Variants in QKI observed in about 807,000 individuals in gnomAD.
QKI encodes the protein QKI, KH domain containing RNA binding, also known as KH domain-containing RNA-binding protein QKI.
QKI carries 10 observed loss-of-function variants against 39.0 expected under a neutral mutation model. The observed-to-expected ratio is 0.26, with a 90% CI of 0.16 to 0.43. The LOEUF (loss-of-function observed/expected upper bound fraction) is 0.43, where lower values mean the gene tolerates loss of function less well. Among genes scored for constraint, QKI ranks in the 20% least tolerant of loss-of-function variants. The pLI is 1.00. For missense variants in QKI, 218 were observed against 428.0 expected (o/e 0.51, Z 4.33); for synonymous variants, 204 against 155.4 (o/e 1.31, Z -2.33).
At chr6:163,464,607 A>G (rs1490888831) in intron 2 of QKI, among the ~76,000 whole-genome samples, 1 of 152,192 alleles carries the variant, frequency 6.6e-6, no homozygotes, top group Non-Finnish European at 1.5e-5. Flanking sequence ...ATAAATTCCT[A>G]AAACATACAA....
At chr6:163,477,062 C>G (rs1792667494) in intron 2 of QKI, among the ~76,000 whole-genome samples, 1 of 143,828 alleles carries the variant, frequency 7.0e-6, no homozygotes, top group Non-Finnish European at 1.5e-5. Context: ...ATTGCCCAGG[C>G]TGTAGTGCAG....
At chr6:163,449,066 C>T (rs2759392) in intron 1 of QKI, among the ~76,000 whole-genome samples, 19,090 of 151,912 alleles carry the variant, frequency 0.13, 1,538 homozygotes, top group Middle Eastern at 0.2. Context: ...TAAATAAAAA[C>T]GAGTAATTTG....
chr6:163,556,290 A>C (rs934819697), intron 4 of QKI, among the ~76,000 whole-genome samples: 1 of 152,284 alleles, frequency 6.6e-6, no homozygotes, highest in South Asian at 2.1e-4. Flanking sequence ...AGGCGGGTAG[A>C]TCACCTGAGG....
chr6:163,498,379 A>T (rs1778540792), intron 3 of QKI, among the ~76,000 whole-genome samples: 1 of 152,136 alleles, frequency 6.6e-6, no homozygotes, highest in Non-Finnish European at 1.5e-5. Context: ...AAAAGTTTGG[A>T]CAAATAATTC....
At chr6:163,557,984 C>T (rs374305493) in intron 4 of QKI, among the ~76,000 whole-genome samples, 1 of 152,150 alleles carries the variant, frequency 6.6e-6, no homozygotes. Context: ...TTCAGTATTA[C>T]AAAATATGAT....
At chr6:163,569,002 C>T (rs1030964539) in intron 7 of QKI, 1 of 984,176 alleles carries the variant, frequency 1.0e-6, no homozygotes, top group Non-Finnish European at 1.2e-6. Flanking sequence ...AGAGTTTTTT[C>T]TGAGTAATAC....
At chr6:163,440,018 T>C (rs2759390) in intron 1 of QKI, among the ~76,000 whole-genome samples, 51,810 of 152,058 alleles carry the variant, frequency 0.34, 9,500 homozygotes, top group African/African-American at 0.45. Flanking sequence ...GAGAATGTCT[T>C]GTCTGATTTT....
intron 1 of QKI, among the ~76,000 whole-genome samples, chr6:163,436,182 A>G (rs1197851460): frequency 6.6e-6 from 1 of 152,234 alleles, no homozygotes; most frequent in Non-Finnish European, 1.5e-5. Context: ...AAATGTAGAA[A>G]TGCTGATGTA....
intron 7 of QKI, chr6:163,569,273 T>C: frequency 9.9e-7 from 1 of 1,009,170 alleles, no homozygotes; most frequent in Non-Finnish European, 1.2e-6. Context: ...TAAACTGTTC[T>C]AAATGATAGA....
intron 3 of QKI, among the ~76,000 whole-genome samples, chr6:163,532,155 G>A (rs1044334674): frequency 1.3e-5 from 2 of 152,166 alleles, no homozygotes; most frequent in Non-Finnish European, 2.9e-5. Context: ...TTTTCTCCAT[G>A]TATAGAGGTT....
chr6:163,503,565 AGTTTAAT>A (rs781589827), intron 3 of QKI, among the ~76,000 whole-genome samples: 23 of 152,108 alleles, frequency 1.5e-4, no homozygotes, highest in Non-Finnish European at 1.8e-4. Flanking sequence ...GAAACTCTTT[AGTTTAAT>A]TAAGTCCCAC....
At chr6:163,567,636 C>T (rs1783444466) in intron 7 of QKI, 2 of 984,656 alleles carry the variant, frequency 2.0e-6, no homozygotes, top group South Asian at 9.4e-5. Context: ...ATTATTTTTG[C>T]TTATTGAGGA....
chr6:163,551,093 G>C (rs1189114473), intron 4 of QKI, among the ~76,000 whole-genome samples: 1 of 152,118 alleles, frequency 6.6e-6, no homozygotes, highest in African/African-American at 2.4e-5. Flanking sequence ...AAAAATACCA[G>C]TGCTTGCATA....
At chr6:163,545,323 A>G (rs552937608) in intron 4 of QKI, among the ~76,000 whole-genome samples, 8 of 152,252 alleles carry the variant, frequency 5.3e-5, no homozygotes, top group African/African-American at 1.7e-4. Context: ...TTAGGACAAC[A>G]GGCACATTGT....
At chr6:163,547,542 C>G (rs971849180) in intron 4 of QKI, among the ~76,000 whole-genome samples, 1 of 152,206 alleles carries the variant, frequency 6.6e-6, no homozygotes, top group Non-Finnish European at 1.5e-5. Flanking sequence ...CATTCAACAC[C>G]TCCATGCGGG....
chr6:163,575,201 A>G lies in QKI; in HGVS notation c.*4491A>G, dbSNP rs997002872. The G allele has an allele frequency of 6.6e-6, 1 of 152,208 alleles. No individual in the cohort carries two copies. Among genetic ancestry groups the G allele is most frequent in the Non-Finnish European group, 1.5e-5 (1 of 68,046 alleles). The allele number at this position is 152,208 out of a possible 1,614,324, so 9.4% of individuals were successfully genotyped here. A position where few individuals can be genotyped will look rare whatever the true frequency, so the allele number is the denominator to read the frequency against. ...AAGCTGTCTGTCAAGCTGCTAATAT[A>G]CAAGTTGTCATGGTACCATGTAACT... On this transcript the variant is annotated 3_prime_UTR_variant, in exon 8 of 8. Transcript: ENST00000361752.
chr6:163,529,701 C>T (rs990757748), intron 3 of QKI, among the ~76,000 whole-genome samples: 19 of 152,262 alleles, frequency 1.2e-4, no homozygotes, highest in African/African-American at 3.9e-4. Context: ...GAACACGGCA[C>T]TTCAGATTAG....
chr6:163,457,272 A>T lies in QKI; in HGVS notation c.285+1851A>T, dbSNP rs58679730. The stretch of plus-strand genomic sequence containing the variant: ...TAAAAAAAGAAATCCTATTCAAGGA[A>T]GGGGTATTTATGCATTCTTTAAAAG... On this transcript the variant is annotated intron_variant, in intron 2 of 7. Transcript: ENST00000361752. 2,321 of 454,180 alleles carry T rather than the reference A, an allele frequency of 5.1e-3. 39 individuals carry two copies. Among genetic ancestry groups the T allele is most frequent in the African/African-American group, 0.042 (2,108 of 50,030 alleles). 28.1% of individuals were successfully genotyped at this position (454,180 alleles called of 1,614,324 possible).
chr6:163,454,778 G>A (rs774672384), intron 1 of QKI, among the ~76,000 whole-genome samples: 11 of 152,134 alleles, frequency 7.2e-5, no homozygotes, highest in Admixed American at 1.3e-4. Flanking sequence ...TGAACTTGCA[G>A]TCTGTTGTCT....
Sources: allele counts gnomAD v4.1 joint callset (sites outside exome capture counted in the v4.1 genomes callset), GRCh38; gene constraint gnomAD v4.1.1; transcripts MANE v1.5; gene names NCBI Gene and HGNC (gene_info 2026-07-23, HGNC 2026-07-21).